Variants in SCUBE1 observed in about 807,000 individuals in gnomAD.
SCUBE1 encodes the protein signal peptide, CUB domain and EGF like domain containing 1, also known as signal peptide, CUB and EGF-like domain-containing protein 1.
In SCUBE1, 59 loss-of-function variants were observed where a neutral mutation model predicts 124.4. That is an observed-to-expected ratio of 0.47 (90% CI 0.38 to 0.59). SCUBE1 has a LOEUF of 0.59. SCUBE1 is among the 20% of genes least tolerant of loss of function. SCUBE1 has a pLI of 0.00. For synonymous variants in SCUBE1, 545 were observed against 550.9 expected, an observed-to-expected ratio of 0.99 and a Z score of 0.15; for missense variants, 1,150 against 1,371.2, an observed-to-expected ratio of 0.84 and a Z score of 2.55.
rs1569500148 is a variant in SCUBE1, at chr22:43,223,177, CG to C, written c.1246del (p.Arg416GlyfsTer35). On this transcript the variant is annotated frameshift_variant, in exon 11 of 22. Transcript: ENST00000360835. LOFTEE classifies it high-confidence loss of function. ...TGCCTTGCTGCAGGACAGCTGGGCC[CG>C]GGGGGAGGTCTTGGCGCGAGAAAGA... Reference protein sequence around the residue: ...KCLSRAKTSPRAQLSCSKAGG... With the variant: ...KCLSRAKTSPXAQLSCSKAGG... 15 of 1,569,556 alleles carry C rather than the reference CG, an allele frequency of 9.6e-6. No individual in the cohort carries two copies. Among genetic ancestry groups the C allele is most frequent in the Admixed American group, 4.3e-5 (2 of 46,752 alleles).
intron 3 of SCUBE1, among the ~76,000 whole-genome samples, chr22:43,305,083 T>C (rs1925918152): frequency 6.6e-6 from 1 of 152,180 alleles, no homozygotes; most frequent in African/African-American, 2.4e-5. Flanking sequence ...CGGGCTTTCA[T>C]TCCATTCCAT....
At chr22:43,340,609 TG>T (rs1306902477) in intron 1 of SCUBE1, among the ~76,000 whole-genome samples, 2 of 112,856 alleles carry the variant, frequency 1.8e-5, no homozygotes, top group African/African-American at 3.5e-5. Context: ...TAATCCAGGT[TG>T]ATTCCTCAGG....
At position 43,294,598 on chromosome 22, in the gene SCUBE1, C is replaced by T. The variant is rs182940383; in HGVS notation, c.350-3418G>A. Among the ~76,000 whole-genome samples the T allele has an allele frequency of 7.4e-3, 1,122 of 152,336 alleles. 12 individuals are homozygous for T. Among genetic ancestry groups the T allele is most frequent in the African/African-American group, 0.025 (1,058 of 41,572 alleles). ...GGAACCCACACCTGGGAGTCAGGCT[C>T]CCTGAGTTCTGCCCCTGTCTTGCCC... On this transcript the variant is annotated intron_variant, in intron 3 of 21. Transcript: ENST00000360835.
At chr22:43,272,188 G>A (rs567495921) in intron 4 of SCUBE1, among the ~76,000 whole-genome samples, 1 of 152,226 alleles carries the variant, frequency 6.6e-6, no homozygotes, top group South Asian at 2.1e-4. Context: ...TGGATGTAGG[G>A]GAAAGAGTTT....
At chr22:43,334,623 A>G (rs964582409) in intron 2 of SCUBE1, among the ~76,000 whole-genome samples, 122 of 144,660 alleles carry the variant, frequency 8.4e-4, no homozygotes, top group Non-Finnish European at 9.5e-4. Context: ...TATCATCACC[A>G]CCATCAACAT....
intron 7 of SCUBE1, chr22:43,232,544 C>T (rs113799680): frequency 0.073 from 11,110 of 152,470 alleles, 493 homozygotes; most frequent in Non-Finnish European, 0.1. Context: ...GGCTATGCAG[C>T]GGGCCTGACG....
intron 3 of SCUBE1, among the ~76,000 whole-genome samples, chr22:43,309,532 A>G (rs184479581): frequency 1.8e-4 from 27 of 152,334 alleles, no homozygotes; most frequent in African/African-American, 6.0e-4. Context: ...ATGAGTGAAT[A>G]TTAAAATATC....
intron 8 of SCUBE1, among the ~76,000 whole-genome samples, chr22:43,229,754 G>A (rs1014296403): frequency 6.6e-6 from 1 of 152,216 alleles, no homozygotes; most frequent in Non-Finnish European, 1.5e-5. Context: ...ATGTGATGAT[G>A]AGCTTCCTGG....
intron 3 of SCUBE1, 45 bp downstream of exon 3, chr22:43,319,892 C>A: frequency 8.7e-6 from 14 of 1,602,172 alleles, no homozygotes; most frequent in Non-Finnish European, 1.2e-5. Flanking sequence ...AGCAAAGCAA[C>A]AGGCAGGGTG....
At chr22:43,207,760 G>T (rs1569494637) in intron 20 of SCUBE1, 147 bp from the exon 21 acceptor site, 1 of 716,202 alleles carries the variant, frequency 1.4e-6, no homozygotes, top group East Asian at 2.7e-5. Context: ...CTGTGCCTTT[G>T]AACCTGGGGC....
chr22:43,251,609 A>G (rs1923451205), intron 6 of SCUBE1, among the ~76,000 whole-genome samples: 2 of 152,062 alleles, frequency 1.3e-5, no homozygotes, highest in African/African-American at 2.4e-5. Context: ...CTGCAGGTGG[A>G]GAAGGGACCG....
At chr22:43,296,268 G>A (rs908396590) in intron 3 of SCUBE1, among the ~76,000 whole-genome samples, 2 of 152,330 alleles carry the variant, frequency 1.3e-5, no homozygotes, top group Middle Eastern at 3.4e-3. Context: ...AGCCTGACAC[G>A]CAGAGTGTCC....
chr22:43,341,567 G>A (rs1034483238), intron 1 of SCUBE1, among the ~76,000 whole-genome samples: 1 of 152,204 alleles, frequency 6.6e-6, no homozygotes, highest in African/African-American at 2.4e-5. Flanking sequence ...ATGGATGGAT[G>A]TTGATGAGGG....
intron 14 of SCUBE1, among the ~76,000 whole-genome samples, chr22:43,220,022 T>G (rs1922022193): frequency 6.6e-6 from 1 of 152,164 alleles, no homozygotes; most frequent in Non-Finnish European, 1.5e-5. Flanking sequence ...GACTCACAGG[T>G]TGACACTCAC....
chr22:43,209,815 A>G (rs1308428255), intron 19 of SCUBE1, among the ~76,000 whole-genome samples: 1 of 152,194 alleles, frequency 6.6e-6, no homozygotes, highest in Non-Finnish European at 1.5e-5. Context: ...CACTCTCGGA[A>G]TACCCTAAGC....
rs766059223 is a variant in SCUBE1 at position 43,210,894 on chromosome 22, C to T, written c.2383+28G>A. 1.4e-5 allele frequency: 23 copies of T among 1,612,586 alleles called. No individual in the cohort carries two copies. The highest frequency in any genetic ancestry group is 1.9e-5 in the Non-Finnish European group (22 of 1,179,014). On this transcript the variant is annotated intron_variant, in intron 18 of 21. Transcript: ENST00000360835. This position sits in a 1 kb window ranked among gnomAD's most constrained non-coding sequence, Gnocchi z 4.5. ...TGCCCAGCCCCTCCCGTGTTCCCAG[C>T]TTCCCACGGCAGAGCAGCAGCACCC...
chr22:43,203,961 G>T lies in SCUBE1; in HGVS notation c.*36C>A. ...GTGGAGGGCAGGTGCACCCTCCGCG[G>T]ACCAGGCCACCCCCAGGCAGGGCCG... On this transcript the variant is annotated 3_prime_UTR_variant, in exon 22 of 22. Coordinates refer to ENST00000360835, the MANE Select transcript of SCUBE1 (RefSeq NM_173050.5). The T allele has an allele frequency of 6.2e-7, 1 of 1,611,578 alleles. No individual in the cohort carries two copies. The highest frequency in any genetic ancestry group is 1.1e-5 in the South Asian group (1 of 90,908).
chr22:43,282,697 T>C (rs1224677280), intron 4 of SCUBE1: 1 of 132,866 alleles, frequency 7.5e-6, no homozygotes, highest in Non-Finnish European at 1.5e-5. Context: ...GCTTCTTTTT[T>C]TTTTTCTTTT....
chr22:43,217,246 G>A (rs73163949), intron 15 of SCUBE1, among the ~76,000 whole-genome samples: 13,535 of 150,724 alleles, frequency 0.09, 1,095 homozygotes, highest in East Asian at 0.47. Context: ...ACTTGTGGCT[G>A]CAACTGCCCA....
Sources: allele counts gnomAD v4.1 joint callset (sites outside exome capture counted in the v4.1 genomes callset), GRCh38; gene constraint gnomAD v4.1.1; non-coding constraint Gnocchi (gnomAD v3.1); transcripts MANE v1.5; gene names NCBI Gene and HGNC (gene_info 2026-07-23, HGNC 2026-07-21).